NDUFA8: variants seen among roughly 807,000 people sequenced by gnomAD.
NDUFA8 encodes the protein NADH:ubiquinone oxidoreductase subunit A8, also known as NADH dehydrogenase [ubiquinone] 1 alpha subcomplex subunit 8.
Under a neutral mutation model 20.9 loss-of-function variants are expected in NDUFA8, and 16 were observed. The observed-to-expected ratio is 0.77, with a 90% CI of 0.52 to 1.16. The LOEUF (loss-of-function observed/expected upper bound fraction) is 1.16. Among genes scored for constraint, NDUFA8 ranks in the 50% most tolerant of loss-of-function variants. The pLI, the probability that NDUFA8 is intolerant of heterozygous loss-of-function variation, is 0.00. For synonymous variants in NDUFA8, 70 were observed against 76.1 expected, an observed-to-expected ratio of 0.92 and a Z score of 0.41; for missense variants, 202 against 216.4, an observed-to-expected ratio of 0.93 and a Z score of 0.42.
intron 2 of NDUFA8, among the ~76,000 whole-genome samples, chr9:122,149,132 A>C (rs1367772272): frequency 6.6e-6 from 1 of 152,194 alleles, no homozygotes; most frequent in East Asian, 1.9e-4. Context: ...TTATTATTTA[A>C]GTGCTTACCT....
chr9:122,148,018 A>G (rs1828931364), intron 3 of NDUFA8, 94 bp downstream of exon 3: 3 of 1,415,152 alleles, frequency 2.1e-6, no homozygotes, highest in Admixed American at 3.4e-5. Flanking sequence ...TTCTTACATC[A>G]TATCTGTATT....
At chr9:122,138,462 C>G in the NDUFA8 span, among the ~76,000 whole-genome samples, 2 of 152,096 alleles carry the variant, frequency 1.3e-5, no homozygotes, top group East Asian at 1.9e-4. Flanking sequence ...AAAAAGCTTG[C>G]AAGTCTCCCA....
At chr9:122,157,115 GGACT>G (rs1035702261) in intron 1 of NDUFA8, among the ~76,000 whole-genome samples, 7 of 152,098 alleles carry the variant, frequency 4.6e-5, no homozygotes, top group South Asian at 4.1e-4. Flanking sequence ...TTTCAAAAAG[GGACT>G]GACTATTTAC....
Position 122,148,130 on chromosome 9 carries a change from G to A in NDUFA8, c.363C>T (p.Asp121=). 6.2e-7 allele frequency: 1 copy of A among 1,614,070 alleles called. No homozygotes were observed. Among genetic ancestry groups the A allele is most frequent in the South Asian group, 1.1e-5 (1 of 91,074 alleles). The change falls in exon 3 of 4, where the codon GAC becomes GAT. Residue 121 remains aspartate (D), a synonymous_variant. Transcript: ENST00000373768. ...VLDKLGWVRP[D]LGELSKVTKV... ...TTTTTACCTTTGACAGTTCTCCCAG[G>A]TCAGGCCGCACCCAGCCCAGTTTGT...
At chr9:122,134,136 T>C in the NDUFA8 span, among the ~76,000 whole-genome samples, 1 of 152,200 alleles carries the variant, frequency 6.6e-6, no homozygotes, top group East Asian at 1.9e-4. Context: ...ACACCACACG[T>C]AGATAACTCA....
intron 1 of NDUFA8, among the ~76,000 whole-genome samples, chr9:122,158,665 GTATATA>G (rs566091939): frequency 6.8e-6 from 1 of 146,578 alleles, no homozygotes; most frequent in African/African-American, 2.5e-5. Context: ...GTGTGTGTGT[GTATATA>G]TATATATATG....
intron 2 of NDUFA8, among the ~76,000 whole-genome samples, chr9:122,150,623 C>A (rs1269337613): frequency 6.6e-6 from 1 of 151,860 alleles, no homozygotes; most frequent in Non-Finnish European, 1.5e-5. Context: ...AGGAATTGGT[C>A]AGGTACGTTA....
chr9:122,153,891 G>C (rs1024410174), intron 1 of NDUFA8, among the ~76,000 whole-genome samples: 1 of 152,170 alleles, frequency 6.6e-6, no homozygotes, highest in East Asian at 1.9e-4. Flanking sequence ...TCCTCAGAGA[G>C]CCTCTCTCTA....
At chr9:122,159,485 C>A (rs915178232) in intron 1 of NDUFA8, 142 bp downstream of exon 1, 3 of 992,692 alleles carry the variant, frequency 3.0e-6, no homozygotes, top group Non-Finnish European at 4.8e-6. Context: ...GAGGGGACCT[C>A]CGGGGGTCGA....
downstream of NDUFA8, among the ~76,000 whole-genome samples, chr9:122,140,133 T>C (rs1443868062): frequency 2.6e-5 from 4 of 152,248 alleles, no homozygotes; most frequent in African/African-American, 7.2e-5. Context: ...CTTCATTTTG[T>C]TTCCCAGATC....
At chr9:122,157,706 G>A (rs905308062) in intron 1 of NDUFA8, among the ~76,000 whole-genome samples, 10 of 151,846 alleles carry the variant, frequency 6.6e-5, no homozygotes, top group Admixed American at 6.5e-4. Flanking sequence ...AAAAGAGTGG[G>A]GGCCACATGG....
At chr9:122,135,649 G>A in the NDUFA8 span, among the ~76,000 whole-genome samples, 1 of 152,324 alleles carries the variant, frequency 6.6e-6, no homozygotes. Flanking sequence ...CAGTGTAGTG[G>A]CGTGACCACA....
intron 2 of NDUFA8, among the ~76,000 whole-genome samples, chr9:122,150,649 C>T (rs1588293102): frequency 6.6e-6 from 1 of 151,968 alleles, no homozygotes; most frequent in Non-Finnish European, 1.5e-5. Context: ...GGTTTATCCA[C>T]TGATGGAATA....
chr9:122,145,466 T>C (rs1027273671), intron 3 of NDUFA8, among the ~76,000 whole-genome samples: 2 of 151,788 alleles, frequency 1.3e-5, no homozygotes, highest in African/African-American at 2.4e-5. Context: ...AGGCCACAGC[T>C]GTCAGCAGTC....
At chr9:122,155,268 G>A (rs951281038) in intron 1 of NDUFA8, among the ~76,000 whole-genome samples, 15 of 152,100 alleles carry the variant, frequency 9.9e-5, no homozygotes, top group South Asian at 4.1e-4. Context: ...TGGTAGAGAC[G>A]GGGTTCCTCC....
chr9:122,137,520 C>T, the NDUFA8 span, among the ~76,000 whole-genome samples: 1 of 152,158 alleles, frequency 6.6e-6, no homozygotes, highest in Non-Finnish European at 1.5e-5. Flanking sequence ...GGATTACAGG[C>T]GTGAGCCACC....
At chr9:122,140,638 A>G (rs1481209142), downstream of NDUFA8, among the ~76,000 whole-genome samples, 1 of 152,246 alleles carries the variant, frequency 6.6e-6, no homozygotes, top group Non-Finnish European at 1.5e-5. Context: ...CAACTCTTGC[A>G]GCACTGAGAA....
rs1342534585 is a variant in NDUFA8, at chr9:122,149,542, A to G, written c.216-1265T>C. ...ACTAATGCCTACAACCAGCAACTTC[A>G]GCAGTGAGAAATTCCTCTATGGATT... is the stretch of plus-strand genomic sequence containing the variant. On this transcript the variant is annotated intron_variant, in intron 2 of 3. Transcript: ENST00000373768. Among the ~76,000 whole-genome samples the G allele has an allele frequency of 2.0e-5, 3 of 152,262 alleles. No homozygotes were observed. The East Asian group carries it at 5.8e-4, about 29-fold the overall frequency.
rs1377678076 is a variant in NDUFA8, at chr9:122,144,324, G to C, written c.436C>G (p.Pro146Ala). ...ATCTCAGGGCTGGGATCCGGTCTTG[G>C]TCTTGAGTGATAGGGATTCTCCGGT... ...PLPENPYHSRPRPDPSPEIEG... is the reference protein window; with the variant it reads ...PLPENPYHSRARPDPSPEIEG... Residue 146 changes from proline (P) to alanine (A), a missense_variant, in exon 4 of 4, where the codon CCA becomes GCA. Transcript: ENST00000373768. 1.8e-5 allele frequency: 29 copies of C among 1,614,046 alleles called. No individual in the cohort carries two copies. The highest frequency in any genetic ancestry group is 2.3e-5 in the Non-Finnish European group (27 of 1,180,024).
Sources: gnomAD v4.1 joint callset for allele counts (sites outside exome capture counted in the v4.1 genomes callset) on GRCh38, gnomAD v4.1.1 for gene constraint, MANE v1.5 for transcripts, NCBI Gene and HGNC (gene_info 2026-07-23, HGNC 2026-07-21) for gene names.